DLG2: variants seen among roughly 807,000 people sequenced by gnomAD.
DLG2 encodes the protein discs large MAGUK scaffold protein 2, also known as disks large homolog 2.
A neutral mutation model predicts 132.5 loss-of-function variants in DLG2; 45 were observed. The ratio of observed to expected loss-of-function variants is 0.34; its 90% CI spans 0.27 to 0.44. The LOEUF (loss-of-function observed/expected upper bound fraction) is 0.44. DLG2 is among the 20% of genes least tolerant of loss of function. DLG2 has a pLI of 1.00. For missense variants in DLG2, 1,045 were observed against 1,196.9 expected, an observed-to-expected ratio of 0.87 and a Z score of 1.87; for synonymous variants, 424 against 419.6, an observed-to-expected ratio of 1.01 and a Z score of -0.13.
intron 6 of DLG2, among the ~76,000 whole-genome samples, chr11:84,867,215 G>A (rs977758752): frequency 2.6e-5 from 4 of 152,136 alleles, no homozygotes; most frequent in African/African-American, 7.2e-5. Flanking sequence ...ACCTTCCACA[G>A]GTTTTAGTTT....
chr11:84,365,279 G>C (rs904180468), intron 7 of DLG2, among the ~76,000 whole-genome samples: 3 of 152,144 alleles, frequency 2.0e-5, no homozygotes, highest in African/African-American at 7.2e-5. Flanking sequence ...ATTTCTTCTA[G>C]ATTTTCTAGT....
At chr11:85,066,816 A>T (rs781520930) in intron 6 of DLG2, among the ~76,000 whole-genome samples, 51 of 151,744 alleles carry the variant, frequency 3.4e-4, no homozygotes, top group Non-Finnish European at 5.9e-4. Flanking sequence ...CATATACAAC[A>T]AACCTACAGA....
chr11:84,759,391 T>G (rs1205660872), intron 6 of DLG2, among the ~76,000 whole-genome samples: 1 of 152,228 alleles, frequency 6.6e-6, no homozygotes, highest in African/African-American at 2.4e-5. Flanking sequence ...CTGGAACTGT[T>G]AGCTTATGGT....
At chr11:84,376,015 A>AT (rs1223896114) in intron 7 of DLG2, among the ~76,000 whole-genome samples, 1 of 151,824 alleles carries the variant, frequency 6.6e-6, no homozygotes, top group African/African-American at 2.4e-5. Flanking sequence ...TGATGTCTTC[A>AT]TTTTTTTCCA....
At chr11:84,430,455 GA>G (rs11397729) in intron 7 of DLG2, among the ~76,000 whole-genome samples, 8 of 142,696 alleles carry the variant, frequency 5.6e-5, no homozygotes, top group East Asian at 2.1e-4. Flanking sequence ...AAAAAGAAAA[GA>G]AAAAAAAAAG....
At chr11:84,644,481 C>A (rs554499169) in intron 6 of DLG2, among the ~76,000 whole-genome samples, 2 of 151,652 alleles carry the variant, frequency 1.3e-5, no homozygotes, top group Non-Finnish European at 2.9e-5. Context: ...CAGAGGCGGG[C>A]GAGTCACTAG....
intron 21 of DLG2, among the ~76,000 whole-genome samples, chr11:83,507,773 T>C (rs2094800608): frequency 1.4e-5 from 1 of 70,768 alleles, no homozygotes. Context: ...TATATATATA[T>C]ATATATATAT....
At chr11:83,468,821 G>A (rs1356302214) in intron 25 of DLG2, among the ~76,000 whole-genome samples, 32 of 152,078 alleles carry the variant, frequency 2.1e-4, no homozygotes. Flanking sequence ...CTTCTACCAT[G>A]AGGATGTCAA....
intron 4 of DLG2, among the ~76,000 whole-genome samples, chr11:85,214,123 T>C (rs1021775735): frequency 2.0e-5 from 3 of 152,186 alleles, no homozygotes; most frequent in Non-Finnish European, 4.4e-5. Context: ...ACTCCTACCA[T>C]GTCCCGTTGT....
chr11:85,430,352 T>TA (rs568126772), intron 3 of DLG2, among the ~76,000 whole-genome samples: 81 of 147,914 alleles, frequency 5.5e-4, no homozygotes, highest in Admixed American at 1.9e-3. Flanking sequence ...TAAAGTATAA[T>TA]AAAAAAAAAG....
At chr11:85,413,901 A>G (rs989689282) in intron 3 of DLG2, among the ~76,000 whole-genome samples, 7 of 151,922 alleles carry the variant, frequency 4.6e-5, no homozygotes, top group East Asian at 3.9e-4. Flanking sequence ...TTGGTTCTAT[A>G]TGACATTTAG....
chr11:85,256,739 A>T (rs1005496442), intron 4 of DLG2, among the ~76,000 whole-genome samples: 1 of 151,990 alleles, frequency 6.6e-6, no homozygotes, highest in African/African-American at 2.4e-5. Context: ...GGGTCAGGGA[A>T]CTCTCCCATT....
chr11:84,148,113 C>T (rs557697621), intron 9 of DLG2, among the ~76,000 whole-genome samples: 2 of 152,082 alleles, frequency 1.3e-5, no homozygotes, highest in Non-Finnish European at 2.9e-5. Flanking sequence ...AAAGACTGTG[C>T]TTCTTTCCAC....
intron 8 of DLG2, among the ~76,000 whole-genome samples, chr11:84,173,767 T>C (rs900125021): frequency 5.9e-5 from 9 of 152,158 alleles, no homozygotes; most frequent in Non-Finnish European, 1.3e-4. Flanking sequence ...CACATTTAAA[T>C]ACAATGATCT....
At chr11:85,372,359 T>A (rs2085051678) in intron 3 of DLG2, among the ~76,000 whole-genome samples, 1 of 152,192 alleles carries the variant, frequency 6.6e-6, no homozygotes, top group African/African-American at 2.4e-5. Flanking sequence ...CATCCTTTCC[T>A]CTCCCTTGGA....
intron 8 of DLG2, among the ~76,000 whole-genome samples, chr11:84,185,299 T>C (rs953416771): frequency 6.6e-6 from 1 of 152,144 alleles, no homozygotes; most frequent in Non-Finnish European, 1.5e-5. Flanking sequence ...CCCTTGTAAG[T>C]TGGATTCCTA....
At chr11:84,140,404 C>G (rs1306714435) in intron 9 of DLG2, among the ~76,000 whole-genome samples, 3 of 151,938 alleles carry the variant, frequency 2.0e-5, no homozygotes, top group Admixed American at 2.0e-4. Flanking sequence ...ACAAGTAAAA[C>G]AATAATGCTG....
intron 3 of DLG2, among the ~76,000 whole-genome samples, chr11:85,390,395 C>T (rs1223821999): frequency 6.6e-6 from 1 of 152,058 alleles, no homozygotes; most frequent in Non-Finnish European, 1.5e-5. Context: ...GACAGAAACA[C>T]AATAATAGTG....
intron 6 of DLG2, among the ~76,000 whole-genome samples, chr11:84,742,896 T>C (rs1395454246): frequency 6.6e-6 from 1 of 152,188 alleles, no homozygotes; most frequent in Admixed American, 6.5e-5. Context: ...ATAATTGGAA[T>C]CATACAATAT....
Sources: allele counts gnomAD v4.1 joint callset (sites outside exome capture counted in the v4.1 genomes callset), GRCh38; gene constraint gnomAD v4.1.1; transcripts MANE v1.5; gene names NCBI Gene and HGNC (gene_info 2026-07-23, HGNC 2026-07-21).